MAGI3: variants seen among roughly 807,000 people sequenced by gnomAD.
MAGI3 encodes membrane-associated guanylate kinase, WW and PDZ domain-containing protein 3.
In MAGI3, 43 loss-of-function variants were observed where a neutral mutation model predicts 121.8. The observed-to-expected ratio is 0.35, with a 90% CI of 0.28 to 0.46. MAGI3 has a LOEUF of 0.46. MAGI3 is among the 20% of genes least tolerant of loss of function. MAGI3 has a pLI of 1.00. For synonymous variants in MAGI3, 553 were observed against 639.3 expected (o/e 0.86, Z 2.04); for missense variants, 1,547 against 1,797.3 (o/e 0.86, Z 2.52).
chr1:113,470,004 G>A (rs140854008), intron 1 of MAGI3, among the ~76,000 whole-genome samples: 65 of 152,088 alleles, frequency 4.3e-4, no homozygotes, highest in African/African-American at 1.5e-3. Flanking sequence ...TTCTGTTTAC[G>A]TGATTCTTTT....
At chr1:113,529,798 T>A (rs577861270) in intron 1 of MAGI3, among the ~76,000 whole-genome samples, 1 of 152,282 alleles carries the variant, frequency 6.6e-6, no homozygotes, top group South Asian at 2.1e-4. Context: ...ATAAACATTA[T>A]ATTTTATTTT....
At chr1:113,472,198 G>A (rs2101541360) in intron 1 of MAGI3, among the ~76,000 whole-genome samples, 1 of 150,760 alleles carries the variant, frequency 6.6e-6, no homozygotes, top group East Asian at 1.9e-4. Context: ...CATATAGATA[G>A]ATCTTGTTTT....
chr1:113,455,872 C>A (rs1254667099), intron 1 of MAGI3, among the ~76,000 whole-genome samples: 1 of 152,078 alleles, frequency 6.6e-6, no homozygotes, highest in Non-Finnish European at 1.5e-5. Context: ...TCTTGCCTAG[C>A]ACAGAGAGAG....
intron 1 of MAGI3, among the ~76,000 whole-genome samples, chr1:113,480,496 G>T (rs1347356722): frequency 6.6e-6 from 1 of 152,144 alleles, no homozygotes; most frequent in Non-Finnish European, 1.5e-5. Context: ...TGACCTGGAT[G>T]TTAGCTCTGT....
At chr1:113,609,007 C>G (rs182641496) in intron 6 of MAGI3, among the ~76,000 whole-genome samples, 15 of 152,306 alleles carry the variant, frequency 9.8e-5, no homozygotes, top group African/African-American at 3.4e-4. Flanking sequence ...GTTTGAAACT[C>G]TTTAATATGG....
At chr1:113,643,696 GGGAA>G (rs756792486) in intron 10 of MAGI3, 43 bp from the exon 11 acceptor site, 360 of 1,582,558 alleles carry the variant, frequency 2.3e-4, no homozygotes, top group Middle Eastern at 1.7e-4. Flanking sequence ...TTTGTGATCT[GGGAA>G]TGCATCCTCT....
chr1:113,455,079 G>C (rs1386006380), intron 1 of MAGI3, among the ~76,000 whole-genome samples: 2 of 151,590 alleles, frequency 1.3e-5, no homozygotes, highest in South Asian at 4.2e-4. Flanking sequence ...AGTGGGTCAG[G>C]GTAGAAATAA....
chr1:113,400,082 G>C (rs1651323547), intron 1 of MAGI3, among the ~76,000 whole-genome samples: 1 of 151,962 alleles, frequency 6.6e-6, no homozygotes, highest in African/African-American at 2.4e-5. Context: ...GGTGTCATGT[G>C]GTAACTGTTT....
chr1:113,425,073 C>T (rs1321704530), intron 1 of MAGI3, among the ~76,000 whole-genome samples: 1 of 151,688 alleles, frequency 6.6e-6, no homozygotes, highest in Non-Finnish European at 1.5e-5. Context: ...GCAGGAGAAT[C>T]ACTTGAACCT....
intron 1 of MAGI3, among the ~76,000 whole-genome samples, chr1:113,452,380 C>A (rs1198853063): frequency 6.6e-6 from 1 of 151,748 alleles, no homozygotes; most frequent in Admixed American, 6.6e-5. Context: ...TTCACTGTAA[C>A]TACTCCATTA....
intron 3 of MAGI3, among the ~76,000 whole-genome samples, chr1:113,582,552 T>C (rs1648104654): frequency 2.0e-5 from 3 of 152,064 alleles, no homozygotes; most frequent in Non-Finnish European, 1.5e-5. Flanking sequence ...TACAAAAGGA[T>C]ATGTACATTA....
At chr1:113,505,557 T>TAA (rs1311098939) in intron 1 of MAGI3, among the ~76,000 whole-genome samples, 1,066 of 64,310 alleles carry the variant, frequency 0.017, 11 homozygotes, top group Middle Eastern at 0.051. Flanking sequence ...TAAATAAATA[T>TAA]ATAATGTCAG....
chr1:113,547,054 A>C (rs551698887), intron 1 of MAGI3, among the ~76,000 whole-genome samples: 1 of 150,298 alleles, frequency 6.7e-6, no homozygotes, highest in African/African-American at 2.4e-5. Context: ...CTGCACTCCA[A>C]CCTGGGCGAC....
rs562399969 is a variant in MAGI3 at position 113,415,661 on chromosome 1, A to G, written c.316+24312A>G. ...CTAAAATCTTCAGTTTAGCATGCAAATCTTACAAGTGTGGACCCAGCCTAC... is the reference window on the plus strand; with the variant it reads ...CTAAAATCTTCAGTTTAGCATGCAAGTCTTACAAGTGTGGACCCAGCCTAC... On this transcript the variant is annotated intron_variant, in intron 1 of 20. Coordinates refer to ENST00000307546, the MANE Select transcript of MAGI3 (RefSeq NM_001142782.2). Among the ~76,000 whole-genome samples the G allele has an allele frequency of 7.2e-5, 11 of 152,082 alleles. No homozygotes were observed. In the East Asian group the frequency reaches 1.9e-3, roughly 27 times the overall value.
chr1:113,593,308 T>C (rs1485318449), intron 5 of MAGI3, among the ~76,000 whole-genome samples: 2 of 152,176 alleles, frequency 1.3e-5, no homozygotes, highest in African/African-American at 4.8e-5. Flanking sequence ...ATAATAACTT[T>C]AGGCAAGAGA....
intron 4 of MAGI3, among the ~76,000 whole-genome samples, chr1:113,588,042 A>G (rs1005518907): frequency 6.6e-6 from 1 of 152,240 alleles, no homozygotes; most frequent in African/African-American, 2.4e-5. Flanking sequence ...GTCATGAACT[A>G]TACCTTCTGG....
intron 1 of MAGI3, among the ~76,000 whole-genome samples, chr1:113,547,913 A>G (rs551034857): frequency 6.6e-6 from 1 of 152,260 alleles, no homozygotes; most frequent in South Asian, 2.1e-4. Context: ...CTCAGCATCT[A>G]TTTTTAGCAA....
chr1:113,556,718 A>G (rs1660008539), intron 2 of MAGI3, among the ~76,000 whole-genome samples: 1 of 151,946 alleles, frequency 6.6e-6, no homozygotes, highest in South Asian at 2.1e-4. Context: ...GTGTGCCACC[A>G]TGCCCAGCTA....
chr1:113,576,269 C>T (rs1473431478), intron 2 of MAGI3, among the ~76,000 whole-genome samples: 6 of 152,322 alleles, frequency 3.9e-5, no homozygotes, highest in Non-Finnish European at 5.9e-5. Flanking sequence ...ACAGCCGCCT[C>T]GTTTCGTGCT....
Sources: allele counts gnomAD v4.1 joint callset (sites outside exome capture counted in the v4.1 genomes callset), GRCh38; gene constraint gnomAD v4.1.1; transcripts MANE v1.5; gene names NCBI Gene and HGNC (gene_info 2026-07-23, HGNC 2026-07-21).